The following PLSCR4 variants were observed in gnomAD, a reference collection of about 807,000 sequenced individuals.
PLSCR4 encodes the protein phospholipid scramblase 4, also known as Ca(2+)-dependent phospholipid scramblase 4.
Under a neutral mutation model 36.3 loss-of-function variants are expected in PLSCR4, and 25 were observed. That is an observed-to-expected ratio of 0.69 (90% CI 0.50 to 0.96). PLSCR4 has a LOEUF of 0.96. Among genes scored for constraint, PLSCR4 ranks in the 40% least tolerant of loss-of-function variants. PLSCR4 has a pLI of 0.00. For missense variants in PLSCR4, 408 were observed against 414.7 expected, an observed-to-expected ratio of 0.98 and a Z score of 0.14; for synonymous variants, 122 against 132.9, an observed-to-expected ratio of 0.92 and a Z score of 0.56.
At chr3:146,217,979 G>A (rs1025901293) in intron 3 of PLSCR4, among the ~76,000 whole-genome samples, 2 of 152,078 alleles carry the variant, frequency 1.3e-5, no homozygotes, top group African/African-American at 4.8e-5. Context: ...AGAAGGAGAT[G>A]GGGAAGGGCA....
At chr3:146,246,643 G>A (rs1019125915) in intron 1 of PLSCR4, among the ~76,000 whole-genome samples, 2 of 151,960 alleles carry the variant, frequency 1.3e-5, no homozygotes, top group African/African-American at 4.8e-5. Flanking sequence ...GTTTATATAA[G>A]ACATTAAGGA....
chr3:146,229,596 TATTTA>T lies in PLSCR4; in HGVS notation c.-21-7509_-21-7505del, dbSNP rs1559921475. ...GATTTTTATCATTTTATTTTTCATT[TATTTA>T]TTTATTTATTTATTTATTTATTTAT... On this transcript the variant is annotated intron_variant, in intron 1 of 8. Transcript: ENST00000354952. Among the ~76,000 whole-genome samples, 177 of 110,724 alleles carry T rather than the reference TATTTA, an allele frequency of 1.6e-3. 2 individuals are homozygous for T. Among genetic ancestry groups the T allele is most frequent in the East Asian group, 7.7e-3 (26 of 3,360 alleles). 72.6% of individuals were successfully genotyped at this position (110,724 alleles called of 152,430 possible). A position where few individuals can be genotyped will look rare whatever the true frequency, so the allele number is the denominator to read the frequency against.
Position 146,220,816 on chromosome 3 carries a change from T to C in PLSCR4, c.117A>G (p.Pro39=), listed in dbSNP as rs1336494768. The C allele has an allele frequency of 3.2e-6, 5 of 1,569,360 alleles. No homozygotes were observed. Among genetic ancestry groups the C allele is most frequent in the Non-Finnish European group, 4.4e-6 (5 of 1,140,660 alleles). ...APPEYNSHFL[P]GPPGTAVPPP... is the part of the protein sequence containing the mutation. ...ATCTTTTATGAATATTTAACCCACCTGGTAAAAAATGAGAATTGTATTCAG... is the reference window on the plus strand; with the variant it reads ...ATCTTTTATGAATATTTAACCCACCCGGTAAAAAATGAGAATTGTATTCAG... Residue 39 remains proline, a splice_region_variant and synonymous_variant, in exon 3 of 9, where the codon CCA becomes CCG. Coordinates refer to ENST00000354952, the MANE Select transcript of PLSCR4 (RefSeq NM_020353.3).
intron 1 of PLSCR4, among the ~76,000 whole-genome samples, chr3:146,228,480 A>C (rs1216933362): frequency 2.0e-5 from 3 of 152,108 alleles, no homozygotes; most frequent in African/African-American, 7.2e-5. Flanking sequence ...GGGGAGAAAA[A>C]AAAAACGGAG....
intron 3 of PLSCR4, among the ~76,000 whole-genome samples, chr3:146,212,587 CTACAGGAG>C (rs2108264261): frequency 6.6e-6 from 1 of 151,842 alleles, no homozygotes; most frequent in South Asian, 2.1e-4. Context: ...GTAACTGGGA[CTACAGGAG>C]TACAGGAGTG....
At chr3:146,203,099 T>C (rs960973604) in intron 4 of PLSCR4, among the ~76,000 whole-genome samples, 2 of 152,068 alleles carry the variant, frequency 1.3e-5, no homozygotes, top group East Asian at 1.9e-4. Context: ...AATGTCCTTA[T>C]TGGCATCTAG....
intron 1 of PLSCR4, among the ~76,000 whole-genome samples, chr3:146,248,485 C>A (rs2036429687): frequency 6.7e-6 from 1 of 150,068 alleles, no homozygotes; most frequent in South Asian, 2.1e-4. Context: ...ACTACACACA[C>A]ACAGACACAC....
chr3:146,247,503 CTGTT>C (rs1337872707), intron 1 of PLSCR4, among the ~76,000 whole-genome samples: 4 of 152,146 alleles, frequency 2.6e-5, no homozygotes, highest in East Asian at 3.9e-4. Context: ...TGTGAACTGC[CTGTT>C]TGTCATTTGT....
chr3:146,235,392 C>T (rs1325147925), intron 1 of PLSCR4, among the ~76,000 whole-genome samples: 6 of 152,076 alleles, frequency 3.9e-5, no homozygotes, highest in Admixed American at 3.9e-4. Context: ...AGTTCTGGCT[C>T]CCCATTTGCC....
chr3:146,216,899 G>T (rs748141827), intron 3 of PLSCR4, among the ~76,000 whole-genome samples: 1 of 152,090 alleles, frequency 6.6e-6, no homozygotes, highest in Non-Finnish European at 1.5e-5. Flanking sequence ...AAAGCCAGTC[G>T]CCTTTGAAGG....
chr3:146,194,516 A>T, intron 8 of PLSCR4, 61 bp from the exon 9 acceptor site: 1 of 984,096 alleles, frequency 1.0e-6, no homozygotes, highest in South Asian at 1.4e-5. Context: ...TGCATGCGGT[A>T]TTATCCTTTG....
At chr3:146,246,953 AT>A (rs1213100807) in intron 1 of PLSCR4, among the ~76,000 whole-genome samples, 4 of 152,134 alleles carry the variant, frequency 2.6e-5, no homozygotes, top group South Asian at 4.2e-4. Context: ...CAGACATTAG[AT>A]TTTTTTTCCT....
At chr3:146,219,984 A>C (rs1291922641) in intron 3 of PLSCR4, among the ~76,000 whole-genome samples, 1 of 152,070 alleles carries the variant, frequency 6.6e-6, no homozygotes, top group Non-Finnish European at 1.5e-5. Context: ...TATCTTGTAC[A>C]TAGCAGGGTT....
intron 3 of PLSCR4, among the ~76,000 whole-genome samples, chr3:146,211,264 A>C (rs925533819): frequency 1.2e-4 from 18 of 152,054 alleles, no homozygotes; most frequent in African/African-American, 4.1e-4. Flanking sequence ...ATGAAGTTGT[A>C]TCTTATTGTG....
intron 1 of PLSCR4, among the ~76,000 whole-genome samples, chr3:146,240,939 T>C (rs982644323): frequency 1.3e-5 from 2 of 152,170 alleles, no homozygotes; most frequent in Non-Finnish European, 2.9e-5. Flanking sequence ...ACAATTCAAA[T>C]ATCCATCAAT....
At chr3:146,230,595 T>TTGGACATGTTGCTGTG (rs1296016838) in intron 1 of PLSCR4, among the ~76,000 whole-genome samples, 10 of 152,074 alleles carry the variant, frequency 6.6e-5, no homozygotes, top group African/African-American at 2.4e-4. Flanking sequence ...TCTTTGTTGC[T>TTGGACATGTTGCTGTG]TGGACATGTT....
At chr3:146,203,270 T>C (rs1376490459) in intron 4 of PLSCR4, among the ~76,000 whole-genome samples, 1 of 152,054 alleles carries the variant, frequency 6.6e-6, no homozygotes, top group African/African-American at 2.4e-5. Context: ...AGAATGGATG[T>C]TGTGTTAGCA....
chr3:146,196,603 T>C, intron 7 of PLSCR4, 29 bp downstream of exon 7: 4 of 1,607,582 alleles, frequency 2.5e-6, no homozygotes, highest in Non-Finnish European at 3.4e-6. Context: ...AGGAAAAATA[T>C]CAGAAACACT....
intron 3 of PLSCR4, among the ~76,000 whole-genome samples, chr3:146,212,232 T>C (rs755570283): frequency 4.6e-5 from 7 of 152,062 alleles, no homozygotes; most frequent in Admixed American, 3.9e-4. Context: ...ATGAAAGATA[T>C]TTTACTCCTT....
Sources: gnomAD v4.1 joint callset for allele counts (sites outside exome capture counted in the v4.1 genomes callset) on GRCh38, gnomAD v4.1.1 for gene constraint, MANE v1.5 for transcripts, NCBI Gene and HGNC (gene_info 2026-07-23, HGNC 2026-07-21) for gene names.